The following LACTB2 variants were observed in gnomAD, a reference collection of about 807,000 sequenced individuals.
LACTB2 encodes endoribonuclease LACTB2.
LACTB2 carries 32 observed loss-of-function variants against 34.8 expected under a neutral mutation model. The ratio of observed to expected loss-of-function variants is 0.92; its 90% CI spans 0.69 to 1.24. LACTB2 has a LOEUF of 1.24. LACTB2 is among the 50% of genes most tolerant of loss of function. The pLI is 0.00. For missense variants in LACTB2, 320 were observed against 345.0 expected, an observed-to-expected ratio of 0.93 and a Z score of 0.57; for synonymous variants, 120 against 117.5, an observed-to-expected ratio of 1.02 and a Z score of -0.14.
chr8:70,657,815 C>T lies in LACTB2; in HGVS notation c.354G>A (p.Glu118=), dbSNP rs1225857281. ...CATCTTTCAGATAAACATATTGTTG[C>T]TCTCCATTTCCTATAATTTCTTCTC... The part of the protein sequence containing the change: ...PQREEIIGNG[E]QQYVYLKDGD... Residue 118 remains glutamate (E), a synonymous_variant, in exon 3 of 7, where the codon GAG becomes GAA. Coordinates refer to ENST00000276590, the MANE Select transcript of LACTB2 (RefSeq NM_016027.3). 7 of 1,611,920 alleles carry T rather than the reference C, an allele frequency of 4.3e-6. No individual in the cohort carries two copies. The highest frequency in any genetic ancestry group is 1.1e-5 in the South Asian group (1 of 91,028).
In LACTB2 at chr8:70,640,866, T is replaced by C. The variant is rs201206758; in HGVS notation, c.741+36A>G. The C allele has an allele frequency of 1.7e-3, 2,594 of 1,519,002 alleles. 3 individuals are homozygous for C. Among genetic ancestry groups the C allele is most frequent in the Non-Finnish European group, 2.2e-3 (2,450 of 1,131,022 alleles). The allele number at this position is 1,519,002 out of a possible 1,614,324, so 94.1% of individuals were successfully genotyped here. A position where few individuals can be genotyped will look rare whatever the true frequency, so the allele number is the denominator to read the frequency against. On this transcript the variant is annotated intron_variant, in intron 5 of 6. Coordinates refer to ENST00000276590, the MANE Select transcript of LACTB2 (RefSeq NM_016027.3). The stretch of plus-strand genomic sequence containing the variant: ...TACTAAATAGATAATTCTAATAAAT[T>C]TGTGGCTACATACAAATAAGAAAAC...
chr8:70,647,975 A>G (rs1818284527), intron 3 of LACTB2, among the ~76,000 whole-genome samples: 2 of 152,204 alleles, frequency 1.3e-5, no homozygotes, highest in Non-Finnish European at 2.9e-5. Flanking sequence ...TTACAAGAAT[A>G]TATGTAGATT....
At chr8:70,659,411 GA>G (rs1818455351) in intron 2 of LACTB2, among the ~76,000 whole-genome samples, 1 of 152,090 alleles carries the variant, frequency 6.6e-6, no homozygotes, top group Admixed American at 6.5e-5. Context: ...ATATTTCAAA[GA>G]AAAATGGACA....
chr8:70,660,816 T>C (rs1818472927), intron 2 of LACTB2: 1 of 456,050 alleles, frequency 2.2e-6, no homozygotes, highest in Non-Finnish European at 4.4e-6. Context: ...TTCATTCTGG[T>C]GCCCAGGCTG....
chr8:70,658,756 G>A (rs188172375), intron 2 of LACTB2, among the ~76,000 whole-genome samples: 1 of 152,290 alleles, frequency 6.6e-6, no homozygotes, highest in East Asian at 1.9e-4. Flanking sequence ...TCCAGGCGTG[G>A]TGGCTCACAC....
intron 3 of LACTB2, among the ~76,000 whole-genome samples, chr8:70,651,625 C>G (rs569947614): frequency 6.6e-6 from 1 of 152,120 alleles, no homozygotes; most frequent in East Asian, 1.9e-4. Context: ...CCCTGACCCC[C>G]TACCACACCA....
chr8:70,656,634 T>A (rs899720392), intron 3 of LACTB2, among the ~76,000 whole-genome samples: 1 of 152,232 alleles, frequency 6.6e-6, no homozygotes, highest in African/African-American at 2.4e-5. Flanking sequence ...AGATTTGTTC[T>A]TTTTGCTTAG....
At chr8:70,657,336 C>G (rs1386701888) in intron 3 of LACTB2, among the ~76,000 whole-genome samples, 1 of 151,890 alleles carries the variant, frequency 6.6e-6, no homozygotes, top group Non-Finnish European at 1.5e-5. Flanking sequence ...AACTCATTTT[C>G]TCCTCCCAGA....
chr8:70,669,104 T>C lies in LACTB2; in HGVS notation c.17A>G (p.Gln6Arg), dbSNP rs774953811. 1.9e-6 allele frequency: 3 copies of C among 1,609,268 alleles called. No individual in the cohort carries two copies. The highest frequency in any genetic ancestry group is 3.4e-4 in the Middle Eastern group (2 of 5,834). Reference sequence around the variant, plus strand: ...TCGATTGGACAGCCGCTCGACGCGCTGCAGTACAGCAGCCATTCCCGCCTC... The same window carrying C: ...TCGATTGGACAGCCGCTCGACGCGCCGCAGTACAGCAGCCATTCCCGCCTC... MAAVLQRVERLSNRVV... is the reference protein window; with the variant it reads MAAVLRRVERLSNRVV... Residue 6 changes from glutamine to arginine, a missense_variant, in exon 1 of 7, where the codon CAG becomes CGG. By Grantham distance (43) the Gln-to-Arg change is conservative. Transcript: ENST00000276590.
At chr8:70,668,856 G>T in intron 1 of LACTB2, 143 bp downstream of exon 1, 2 of 1,122,700 alleles carry the variant, frequency 1.8e-6, no homozygotes, top group Non-Finnish European at 2.5e-6. Flanking sequence ...TCTGCGTGCA[G>T]TCCCGACGGG....
rs531457090 is a variant in LACTB2, at chr8:70,655,722, G to A, written c.413+2034C>T. On this transcript the variant is annotated intron_variant, in intron 3 of 6. Transcript: ENST00000276590. The stretch of plus-strand genomic sequence containing the variant: ...TCCTCTGGGTAGACACCCAGTAGCT[G>A]GATTGCTGGATCAAATGGTAGTTCT... Among the ~76,000 whole-genome samples the A allele has an allele frequency of 3.3e-5, 5 of 152,262 alleles. No individual in the cohort carries two copies. In the East Asian group the frequency reaches 9.6e-4, roughly 29 times the overall value.
At chr8:70,650,108 A>G (rs998702589) in intron 3 of LACTB2, among the ~76,000 whole-genome samples, 3 of 152,200 alleles carry the variant, frequency 2.0e-5, no homozygotes, top group Non-Finnish European at 4.4e-5. Flanking sequence ...TTCATCTCCC[A>G]AAGAGCTGGG....
At chr8:70,656,250 T>C (rs574290430) in intron 3 of LACTB2, among the ~76,000 whole-genome samples, 62 of 152,314 alleles carry the variant, frequency 4.1e-4, no homozygotes, top group African/African-American at 1.5e-3. Context: ...GGTCATGAAA[T>C]CTTGCCTAAG....
In LACTB2 at chr8:70,643,208, C is replaced by CTT. The variant is rs66482767; in HGVS notation, c.592+855_592+856dup. On this transcript the variant is annotated intron_variant, in intron 4 of 6. Coordinates refer to ENST00000276590, the MANE Select transcript of LACTB2 (RefSeq NM_016027.3). ...AGACAGGACTTAGGGGTGTATTTTC[C>CTT]TTTTTTTTTTTTTTTTTTTTTTTTT... 7.0e-4 allele frequency among the ~76,000 whole-genome samples: 53 copies of CTT among 76,190 alleles called. 2 individuals are homozygous for CTT. Among genetic ancestry groups the CTT allele is most frequent in the Non-Finnish European group, 1.2e-3 (50 of 40,114 alleles). 50.0% of individuals were successfully genotyped at this position (76,190 alleles called of 152,430 possible).
At chr8:70,663,700 G>A (rs564549346) in intron 1 of LACTB2, among the ~76,000 whole-genome samples, 91 of 152,276 alleles carry the variant, frequency 6.0e-4, no homozygotes, top group African/African-American at 2.2e-3. Flanking sequence ...AATCAAGAAG[G>A]TAAACCCTGG....
rs1586793752 is a variant in LACTB2 at position 70,669,083 on chromosome 8, T to C, written c.38A>G (p.Asn13Ser). ...ACAGCCCAACACACGCACGACTCGA[T>C]TGGACAGCCGCTCGACGCGCTGCAG... ...AVLQRVERLSNRVVRVLGCNP... is the reference protein window; with the variant it reads ...AVLQRVERLSSRVVRVLGCNP... Residue 13 changes from asparagine to serine, a missense_variant, in exon 1 of 7, where the codon AAT becomes AGT. By Grantham distance (46) the Asn-to-Ser change is conservative. Coordinates refer to ENST00000276590, the MANE Select transcript of LACTB2 (RefSeq NM_016027.3). 8.7e-6 allele frequency: 14 copies of C among 1,612,838 alleles called. No homozygotes were observed. The East Asian group carries it at 1.6e-4, about 18-fold the overall frequency.
Position 70,668,986 on chromosome 8 carries a change from G to A in LACTB2, c.122+13C>T, listed in dbSNP as rs755867683. ...GGCTGCGAACGTTGGGGAGGTTGGA[G>A]AGGGACGTTTACCTGGGGCCGGTCC... On this transcript the variant is annotated intron_variant, in intron 1 of 6. Transcript: ENST00000276590. 5.7e-6 allele frequency: 9 copies of A among 1,574,746 alleles called. No individual in the cohort carries two copies. The South Asian group carries it at 6.9e-5, about 12-fold the overall frequency.
chr8:70,646,208 C>G lies in LACTB2; in HGVS notation c.414-1965G>C, dbSNP rs1188429033. On this transcript the variant is annotated intron_variant, in intron 3 of 6. Transcript: ENST00000276590. The stretch of plus-strand genomic sequence containing the variant: ...CATTCTAACTGGTGTGAGATGGTAT[C>G]TCATTGTGGTTAAGAGCTTCTGCAC... 3 of 152,310 alleles carry G rather than the reference C, an allele frequency of 2.0e-5. No individual in the cohort carries two copies. In the East Asian group the frequency reaches 5.8e-4, roughly 29 times the overall value. 9.4% of individuals were successfully genotyped at this position (152,310 alleles called of 1,614,324 possible). A position where few individuals can be genotyped will look rare whatever the true frequency, so the allele number is the denominator to read the frequency against.
At chr8:70,661,965 CA>C (rs1818485760) in intron 1 of LACTB2, 68 bp from the exon 2 acceptor site, 1 of 1,340,954 alleles carries the variant, frequency 7.5e-7, no homozygotes, top group African/African-American at 1.5e-5. Flanking sequence ...ATTTTGCACA[CA>C]GATAATTTAC....
Sources: allele counts gnomAD v4.1 joint callset (sites outside exome capture counted in the v4.1 genomes callset), GRCh38; gene constraint gnomAD v4.1.1; transcripts MANE v1.5; gene names NCBI Gene and HGNC (gene_info 2026-07-23, HGNC 2026-07-21).